Variants in ABCC8 observed in about 807,000 individuals in gnomAD.
The protein encoded by ABCC8 is ATP-binding cassette sub-family C member 8.
A neutral mutation model predicts 188.0 loss-of-function variants in ABCC8; 137 were observed. That is an observed-to-expected ratio of 0.73 (90% CI 0.63 to 0.84). The LOEUF is 0.84. ABCC8 is among the 40% of genes least tolerant of loss of function. ABCC8 has a pLI of 0.00. For synonymous variants in ABCC8, 797 were observed against 846.5 expected (o/e 0.94, Z 1.01); for missense variants, 1,750 against 2,072.7 (o/e 0.84, Z 3.02).
intron 12 of ABCC8, chr11:17,428,889 G>C: frequency 1.3e-6 from 1 of 756,420 alleles, no homozygotes; most frequent in Non-Finnish European, 2.1e-6. Flanking sequence ...GCTGGGGTCT[G>C]GATTGGAGGT....
At chr11:17,466,019 T>C (rs985007554) in intron 3 of ABCC8, among the ~76,000 whole-genome samples, 2 of 152,158 alleles carry the variant, frequency 1.3e-5, no homozygotes, top group African/African-American at 4.8e-5. Flanking sequence ...AGTAGAATAT[T>C]AGCCTTAAAA....
intron 29 of ABCC8, among the ~76,000 whole-genome samples, chr11:17,402,429 G>A (rs929136803): frequency 1.3e-5 from 2 of 152,220 alleles, no homozygotes; most frequent in Admixed American, 6.5e-5. Context: ...GCCTCACAGA[G>A]GTCCTGGGCT....
At chr11:17,408,561 G>A in intron 22 of ABCC8, 44 bp from the exon 23 acceptor site, 2 of 1,591,414 alleles carry the variant, frequency 1.3e-6, no homozygotes, top group Non-Finnish European at 1.7e-6. Context: ...TGGCTGGGGA[G>A]GAATGGTGGT....
chr11:17,400,290 G>A (rs988675154), intron 29 of ABCC8, among the ~76,000 whole-genome samples: 1 of 152,182 alleles, frequency 6.6e-6, no homozygotes, highest in African/African-American at 2.4e-5. Flanking sequence ...CATGCCTGAA[G>A]GGTAGAGTAA....
chr11:17,406,579 G>C, intron 26 of ABCC8, 43 bp downstream of exon 26: 1 of 1,573,046 alleles, frequency 6.4e-7, no homozygotes, highest in South Asian at 1.1e-5. Context: ...TCAGAGAACA[G>C]TGACTTGCTC....
chr11:17,466,030 A>C (rs1848123962), intron 3 of ABCC8, among the ~76,000 whole-genome samples: 1 of 152,230 alleles, frequency 6.6e-6, no homozygotes, highest in Non-Finnish European at 1.5e-5. Context: ...AGCCTTAAAA[A>C]GGAAGGAAAT....
intron 6 of ABCC8, among the ~76,000 whole-genome samples, chr11:17,459,789 G>A (rs939437734): frequency 6.6e-6 from 1 of 152,156 alleles, no homozygotes; most frequent in African/African-American, 2.4e-5. Flanking sequence ...CCCCACGCAG[G>A]GCAAATAACC....
chr11:17,449,235 T>A (rs987229419), intron 7 of ABCC8, among the ~76,000 whole-genome samples: 1 of 152,244 alleles, frequency 6.6e-6, no homozygotes, highest in African/African-American at 2.4e-5. Context: ...CTGTTCTTTA[T>A]TTTTTAAAGC....
intron 12 of ABCC8, chr11:17,429,666 C>G (rs1955756058): frequency 6.6e-6 from 1 of 152,228 alleles, no homozygotes; most frequent in South Asian, 2.1e-4. Context: ...CAACAGTTTT[C>G]AGGCAGGTGC....
intron 3 of ABCC8, among the ~76,000 whole-genome samples, chr11:17,465,218 C>T (rs1324666074): frequency 6.6e-6 from 1 of 152,224 alleles, no homozygotes; most frequent in African/African-American, 2.4e-5. Context: ...CCCCTGCCTC[C>T]ACTCCACTCT....
intron 20 of ABCC8, chr11:17,412,986 TACAA>T (rs1954889623): frequency 2.5e-6 from 2 of 800,490 alleles, no homozygotes; most frequent in East Asian, 2.8e-5. Flanking sequence ...ATCTGACCAG[TACAA>T]ACAAAGACAG....
chr11:17,456,679 A>G (rs1214657800), intron 6 of ABCC8, among the ~76,000 whole-genome samples: 1 of 152,154 alleles, frequency 6.6e-6, no homozygotes. Context: ...AGAGGTCCTG[A>G]CTCATCATAT....
At position 17,444,577 on chromosome 11, in the gene ABCC8, T is replaced by C. The variant is rs11821015; in HGVS notation, c.1333-1265A>G. ...TGCTCCCCCATCCCCTCCTCCTAGG[T>C]GCTCCCAAGACTCCTTGGTCCATTA... On this transcript the variant is annotated intron_variant, in intron 8 of 38. Transcript: ENST00000389817. 0.047 allele frequency among the ~76,000 whole-genome samples: 7,101 copies of C among 152,234 alleles called. 560 individuals carry two copies. The highest frequency in any genetic ancestry group is 0.16 in the African/African-American group (6,650 of 41,528).
chr11:17,397,306 T>G lies in ABCC8; in HGVS notation c.3875A>C (p.Asn1292Thr). The G allele has an allele frequency of 1.2e-6, 2 of 1,611,786 alleles. No homozygotes were observed. The highest frequency in any genetic ancestry group is 1.7e-6 in the Non-Finnish European group (2 of 1,179,986). Residue 1292 changes from asparagine (N) to threonine (T), a missense_variant, in exon 32 of 39, where the codon AAC (asparagine) becomes ACC (threonine). Physicochemically the swap from Asn to Thr is moderately conservative, Grantham distance 65. Transcript: ENST00000389817. ...LGLTYALMVS[N>T]YLNWMVRNLA... ...GTTCCTCACCATCCAGTTGAGGTAG[T>G]TGGAGACCTGTGGGGAGCAAGCCAG...
In ABCC8 at chr11:17,453,895, C is replaced by T. The variant is rs1045453096; in HGVS notation, c.1012-612G>A. ...AATTTAAGGTTCTCTTGTGTACTTC[C>T]GGCAAGATCTCAGATGGCAACCAGT... On this transcript the variant is annotated intron_variant, in intron 6 of 38. Transcript: ENST00000389817. Among the ~76,000 whole-genome samples, 8 of 151,910 alleles carry T rather than the reference C, an allele frequency of 5.3e-5. No homozygotes were observed. The South Asian group carries it at 1.0e-3, about 20-fold the overall frequency.
In ABCC8 at chr11:17,397,694, T is replaced by C. The variant is rs1435065366; in HGVS notation, c.3857A>G (p.Tyr1286Cys). 1 of 1,612,728 alleles carries C rather than the reference T, an allele frequency of 6.2e-7. No homozygotes were observed. Among genetic ancestry groups the C allele is most frequent in the Admixed American group, 1.7e-5 (1 of 60,024 alleles). Residue 1286 changes from tyrosine (Y) to cysteine (C), a missense_variant, in exon 31 of 39, where the codon TAC (tyrosine) becomes TGC (cysteine). Coordinates refer to ENST00000389817, the MANE Select transcript of ABCC8 (RefSeq NM_000352.6). ...CCCACTGCCGCTCACCATTAGGGCG[T>C]AGGTAAGGCCCAGGCCCACCAGGCC... ...SAGLVGLGLT[Y>C]ALMVSNYLNW...
intron 7 of ABCC8, among the ~76,000 whole-genome samples, chr11:17,449,037 A>G (rs7934185): frequency 0.47 from 71,979 of 151,958 alleles, 18,763 homozygotes; most frequent in African/African-American, 0.71. Context: ...AGCAATTCTC[A>G]TGCCTCAGCC....
chr11:17,412,657 T>G lies in ABCC8; in HGVS notation c.2556+9A>C, dbSNP rs1954870052. 6.2e-7 allele frequency: 1 copy of G among 1,609,540 alleles called. No homozygotes were observed. Among genetic ancestry groups the G allele is most frequent in the Admixed American group, 1.7e-5 (1 of 59,594 alleles). On this transcript the variant is annotated intron_variant, in intron 21 of 38. Coordinates refer to ENST00000389817, the MANE Select transcript of ABCC8 (RefSeq NM_000352.6). ...CAGAGACCAGGACCCCAAGGGAACT[T>G]GCACTCACCAAGAAGACAACGTTGG...
At chr11:17,401,400 C>T (rs922031913) in intron 29 of ABCC8, among the ~76,000 whole-genome samples, 3 of 152,150 alleles carry the variant, frequency 2.0e-5, no homozygotes, top group Non-Finnish European at 4.4e-5. Flanking sequence ...TTGCTCTGCT[C>T]TTCTTTACTT....
Sources: allele counts gnomAD v4.1 joint callset (sites outside exome capture counted in the v4.1 genomes callset), GRCh38; gene constraint gnomAD v4.1.1; transcripts MANE v1.5; gene names NCBI Gene and HGNC (gene_info 2026-07-23, HGNC 2026-07-21).